Variants in OR13A1 observed in about 807,000 individuals in gnomAD.
The protein encoded by OR13A1 is olfactory receptor 13A1.
A neutral mutation model predicts 7.5 loss-of-function variants in OR13A1; 10 were observed. That is an observed-to-expected ratio of 1.34 (90% CI 0.83 to 2.27). The LOEUF is 2.27. OR13A1 is among the 30% of genes most tolerant of loss of function. The pLI is 0.00. For synonymous variants in OR13A1, 238 were observed against 177.9 expected, an observed-to-expected ratio of 1.34 and a Z score of -2.69; for missense variants, 509 against 419.1, an observed-to-expected ratio of 1.21 and a Z score of -1.87.
chr10:45,305,830 C>G (rs541374275), intron 3 of OR13A1, among the ~76,000 whole-genome samples: 1 of 152,124 alleles, frequency 6.6e-6, no homozygotes, highest in Non-Finnish European at 1.5e-5. Flanking sequence ...GGAGAAAGTA[C>G]CACTCTTTCC....
In OR13A1 at chr10:45,305,161, G is replaced by A. The variant is rs117212723; in HGVS notation, c.-12-727C>T. Among the ~76,000 whole-genome samples, 60 of 152,092 alleles carry A rather than the reference G, an allele frequency of 3.9e-4. No homozygotes were observed. In the East Asian group the frequency reaches 0.011, roughly 29 times the overall value. On this transcript the variant is annotated intron_variant, in intron 3 of 3. Transcript: ENST00000553795. The stretch of plus-strand genomic sequence containing the variant: ...GAGGCAGGAGAATCGCTTGAACCTG[G>A]GAGGCAAGGTTTCGGTGAGCTGAGA...
chr10:45,314,350 A>G (rs371432665), intron 1 of OR13A1, among the ~76,000 whole-genome samples: 2 of 151,918 alleles, frequency 1.3e-5, no homozygotes, highest in South Asian at 2.1e-4. Context: ...CAATCCCAGC[A>G]CTTTGACAGG....
intron 1 of OR13A1, among the ~76,000 whole-genome samples, chr10:45,314,565 G>C (rs2133049790): frequency 6.6e-6 from 1 of 151,554 alleles, no homozygotes; most frequent in Non-Finnish European, 1.5e-5. Context: ...CTAAAGATTA[G>C]ATTAAATCAG....
At position 45,315,221 on chromosome 10, in the gene OR13A1, G is replaced by C. The variant is rs367801175; in HGVS notation, c.-225+303C>G. 2.0e-5 allele frequency among the ~76,000 whole-genome samples: 3 copies of C among 152,276 alleles called. No homozygotes were observed. In the East Asian group the frequency reaches 5.8e-4, roughly 29 times the overall value. On this transcript the variant is annotated intron_variant, in intron 1 of 3. Coordinates refer to ENST00000553795, the MANE Select transcript of OR13A1 (RefSeq NM_001004297.3). ...CCCAGCACTTTGGGAGGCTGAGACA[G>C]GAGAATCCCTTGAACCCAGGAGGCA... is the stretch of plus-strand genomic sequence containing the variant.
At position 45,304,210 on chromosome 10, in the gene OR13A1, A is replaced by C. The variant is rs779687658; in HGVS notation, c.213T>G (p.Pro71=). 1 of 1,614,190 alleles carries C rather than the reference A, an allele frequency of 6.2e-7. No homozygotes were observed. The change falls in exon 4 of 4, where the codon CCT becomes CCG. Residue 71 remains proline, a synonymous_variant. Transcript: ENST00000553795. ...AAAAGTACATAGGAGCGTGGAGCCC[A>C]GGGTTGAACGTGATGGCCAAGGTGA... The part of the protein sequence containing the change: ...VLITLAITFN[P]GLHAPMYFFL...
In OR13A1 at chr10:45,303,818, AG is replaced by A; in HGVS notation, c.604del (p.Leu202CysfsTer15). The A allele has an allele frequency of 1.2e-6, 2 of 1,613,334 alleles. No individual in the cohort carries two copies. Among genetic ancestry groups the A allele is most frequent in the African/African-American group, 2.7e-5 (2 of 75,074 alleles). ...GGTGGAGCTGCAGGAGAGAAGCAGC[AG>A]GGGAGGGACCTCGCAGAAGAAATGG... ...IIHFFCEVPP[L>X]LLLSCSSTYV... On this transcript the variant is annotated frameshift_variant, in exon 4 of 4. Coordinates refer to ENST00000553795, the MANE Select transcript of OR13A1 (RefSeq NM_001004297.3). LOFTEE classifies it low-confidence loss of function (END_TRUNC).
At chr10:45,312,049 T>C (rs770805553) in intron 1 of OR13A1, among the ~76,000 whole-genome samples, 1 of 151,956 alleles carries the variant, frequency 6.6e-6, no homozygotes, top group South Asian at 2.1e-4. Flanking sequence ...AAAAGTATAA[T>C]AAACCTGCCC....
intron 1 of OR13A1, 121 bp from the exon 2 acceptor site, chr10:45,307,929 T>C (rs1838367889): frequency 6.6e-6 from 1 of 152,236 alleles, no homozygotes; most frequent in African/African-American, 2.4e-5. Context: ...AAAGACAAAT[T>C]ATATTTTACA....
rs184948227 is a variant in OR13A1, at chr10:45,303,609, C to A, written c.814G>T (p.Ala272Ser). The A allele has an allele frequency of 8.1e-6, 13 of 1,613,528 alleles. No homozygotes were observed. In the East Asian group the frequency reaches 2.0e-4, roughly 25 times the overall value. Residue 272 changes from alanine (A) to serine (S), a missense_variant, in exon 4 of 4, where the codon GCT becomes TCT. Coordinates refer to ENST00000553795, the MANE Select transcript of OR13A1 (RefSeq NM_001004297.3). Reference sequence around the variant, plus strand: ...GGGCTTATGTAGGCGTAGAAGACAGCGGTGTAATACATGCACACCACGGTG... The same window carrying A: ...GGGCTTATGTAGGCGTAGAAGACAGAGGTGTAATACATGCACACCACGGTG... ...HLTVVCMYYT[A>S]VFYAYISPVS...
chr10:45,303,325 G>A lies in OR13A1; in HGVS notation c.*111C>T. On this transcript the variant is annotated 3_prime_UTR_variant, in exon 4 of 4. Coordinates refer to ENST00000553795, the MANE Select transcript of OR13A1 (RefSeq NM_001004297.3). The stretch of plus-strand genomic sequence containing the variant: ...GCACTCCCAGCTCATCCATGCACAG[G>A]TTCTGCTGGGTTAGAAAAAACAAGT... The A allele has an allele frequency of 8.6e-7, 1 of 1,167,020 alleles. No homozygotes were observed. Among genetic ancestry groups the A allele is most frequent in the Non-Finnish European group, 1.2e-6 (1 of 821,626 alleles). The allele number at this position is 1,167,020 out of a possible 1,614,324, so 72.3% of individuals were successfully genotyped here.
At chr10:45,304,903 G>C (rs1838295256) in intron 3 of OR13A1, among the ~76,000 whole-genome samples, 1 of 152,114 alleles carries the variant, frequency 6.6e-6, no homozygotes, top group African/African-American at 2.4e-5. Context: ...AGTATATTAT[G>C]GTAAATTGAT....
Position 45,303,910 on chromosome 10 carries a change from G to A in OR13A1, c.513C>T (p.Ala171=), listed in dbSNP as rs766364077. Residue 171 remains alanine (A), a synonymous_variant, in exon 4 of 4, where the codon GCC becomes GCT. Coordinates refer to ENST00000553795, the MANE Select transcript of OR13A1 (RefSeq NM_001004297.3). ...GLATAVWLLC[A]VNTAIHTGLM... Reference sequence around the variant, plus strand: ...GCCCCGTGTGGATGGCCGTGTTGACGGCGCAGAGCAGCCACACGGCTGTGG... The same window carrying A: ...GCCCCGTGTGGATGGCCGTGTTGACAGCGCAGAGCAGCCACACGGCTGTGG... The A allele has an allele frequency of 2.5e-6, 4 of 1,613,468 alleles. No homozygotes were observed. The highest frequency in any genetic ancestry group is 2.7e-5 in the African/African-American group (2 of 74,936).
chr10:45,309,076 C>T (rs1339370774), intron 1 of OR13A1, among the ~76,000 whole-genome samples: 2 of 152,124 alleles, frequency 1.3e-5, no homozygotes, highest in Admixed American at 1.3e-4. Context: ...GATTTCTAAT[C>T]CAAATGTGTA....
chr10:45,312,244 G>A (rs1171537609), intron 1 of OR13A1, among the ~76,000 whole-genome samples: 1 of 151,950 alleles, frequency 6.6e-6, no homozygotes, highest in Non-Finnish European at 1.5e-5. Flanking sequence ...TAAACCTACA[G>A]ACTTAATAAG....
At chr10:45,305,253 A>T (rs1377795544) in intron 3 of OR13A1, among the ~76,000 whole-genome samples, 1 of 152,150 alleles carries the variant, frequency 6.6e-6, no homozygotes, top group Admixed American at 6.5e-5. Flanking sequence ...TTTTAATTTT[A>T]AAAAAAGGAA....
intron 1 of OR13A1, among the ~76,000 whole-genome samples, chr10:45,314,093 A>G (rs1838486741): frequency 6.6e-6 from 1 of 152,238 alleles, no homozygotes; most frequent in African/African-American, 2.4e-5. Context: ...ACTAGACATC[A>G]GTAGCAGAAG....
intron 1 of OR13A1, 41 bp downstream of exon 1, chr10:45,315,483 A>C (rs1425451196): frequency 6.6e-6 from 1 of 152,198 alleles, no homozygotes; most frequent in Non-Finnish European, 1.5e-5. Flanking sequence ...GGAAAATAAC[A>C]TAATAAAGGC....
Position 45,304,109 on chromosome 10 carries a change from G to C in OR13A1, c.314C>G (p.Ser105Trp). Residue 105 changes from serine (S) to tryptophan (W), a missense_variant, in exon 4 of 4, where the codon TCG (serine) becomes TGG (tryptophan). Physicochemically the swap from Ser to Trp is radical, Grantham distance 177. Coordinates refer to ENST00000553795, the MANE Select transcript of OR13A1 (RefSeq NM_001004297.3). ...CCCGTAGGAGATGGAGCTCTCTTCC[G>C]ACACCAGACTGGCCAGCGCCTTGGG... is the stretch of plus-strand genomic sequence containing the variant. ...IMPKALASLV[S>W]EESSISYGGC... 6.2e-7 allele frequency: 1 copy of C among 1,614,136 alleles called. No individual in the cohort carries two copies. The highest frequency in any genetic ancestry group is 1.1e-5 in the South Asian group (1 of 91,056).
intron 1 of OR13A1, among the ~76,000 whole-genome samples, chr10:45,312,976 CA>C (rs2133048108): frequency 6.6e-6 from 1 of 152,068 alleles, no homozygotes; most frequent in South Asian, 2.1e-4. Context: ...TAAAGCTCTC[CA>C]GTAAAGATAA....
Sources: allele counts gnomAD v4.1 joint callset (sites outside exome capture counted in the v4.1 genomes callset), GRCh38; gene constraint gnomAD v4.1.1; transcripts MANE v1.5; gene names NCBI Gene and HGNC (gene_info 2026-07-23, HGNC 2026-07-21).